The following ALDH1L2 variants were observed in gnomAD, a reference collection of about 807,000 sequenced individuals.
ALDH1L2 encodes aldehyde dehydrogenase 1 family member L2.
A neutral mutation model predicts 111.0 loss-of-function variants in ALDH1L2; 91 were observed. The observed-to-expected ratio is 0.82, with a 90% CI of 0.69 to 0.98. ALDH1L2 has a LOEUF of 0.98. Among genes scored for constraint, ALDH1L2 ranks in the 50% least tolerant of loss-of-function variants. The pLI is 0.00. For missense variants in ALDH1L2, 995 were observed against 1,126.8 expected (o/e 0.88, Z 1.67); for synonymous variants, 374 against 392.6 (o/e 0.95, Z 0.56).
rs748620763 is a variant in ALDH1L2, at chr12:105,034,407, G to A, written c.2146-9C>T. On this transcript the variant is annotated splice_polypyrimidine_tract_variant and intron_variant, in intron 18 of 22. Transcript: ENST00000258494. ...AATACTGCTCCCATGCCCTTCAGTG[G>A]GAGAAGAGAAAATATTGCTAACATC... 10 of 1,608,060 alleles carry A rather than the reference G, an allele frequency of 6.2e-6. No homozygotes were observed. The East Asian group carries it at 2.0e-4, about 32-fold the overall frequency.
At position 105,038,533 on chromosome 12, in the gene ALDH1L2, G is replaced by A. The variant is rs145187023; in HGVS notation, c.2046-331C>T. Among the ~76,000 whole-genome samples, 9 of 152,160 alleles carry A rather than the reference G, an allele frequency of 5.9e-5. No homozygotes were observed. In the East Asian group the frequency reaches 1.7e-3, roughly 29 times the overall value. Reference sequence around the variant, plus strand: ...AATAAGAAAATTAGGTAGGTATGGTGGTGTGTGACTGTAGTGTCAGCTACT... The same window carrying A: ...AATAAGAAAATTAGGTAGGTATGGTAGTGTGTGACTGTAGTGTCAGCTACT... On this transcript the variant is annotated intron_variant, in intron 17 of 22. Transcript: ENST00000258494.
rs1874113998 is a variant in ALDH1L2, at chr12:105,020,623, A to G, written c.*3801T>C. 1 of 152,272 alleles carries G rather than the reference A, an allele frequency of 6.6e-6. No individual in the cohort carries two copies. The highest frequency in any genetic ancestry group is 2.1e-4 in the South Asian group (1 of 4,836). 9.4% of individuals were successfully genotyped at this position (152,272 alleles called of 1,614,324 possible). Reference sequence around the variant, plus strand: ...TAAGTGCTATGAAAATAATGCACTTATAAAAAGAATAAAGAATGACAGCAG... The same window carrying G: ...TAAGTGCTATGAAAATAATGCACTTGTAAAAAGAATAAAGAATGACAGCAG... On this transcript the variant is annotated 3_prime_UTR_variant, in exon 23 of 23. Coordinates refer to ENST00000258494, the MANE Select transcript of ALDH1L2 (RefSeq NM_001034173.4).
chr12:105,074,216 G>T, intron 1 of ALDH1L2: 1 of 491,872 alleles, frequency 2.0e-6, no homozygotes, highest in Admixed American at 3.6e-5. Flanking sequence ...CCAGCACTTT[G>T]GGAGGCCGAG....
At chr12:105,038,483 A>G (rs560737203) in intron 17 of ALDH1L2, among the ~76,000 whole-genome samples, 12 of 152,222 alleles carry the variant, frequency 7.9e-5, no homozygotes, top group African/African-American at 2.9e-4. Flanking sequence ...CCTGAGCAAC[A>G]TGGCAAGACC....
At chr12:105,033,548 T>C (rs957939016) in intron 19 of ALDH1L2, among the ~76,000 whole-genome samples, 4 of 152,170 alleles carry the variant, frequency 2.6e-5, no homozygotes, top group Non-Finnish European at 4.4e-5. Context: ...GTGTGGAGAA[T>C]TGGCTCTGGG....
chr12:105,035,839 A>T (rs7298427), intron 18 of ALDH1L2, among the ~76,000 whole-genome samples: 2 of 100,208 alleles, frequency 2.0e-5, no homozygotes, highest in East Asian at 3.7e-4. Context: ...ATATATATAT[A>T]TGTGTGTGTG....
intron 13 of ALDH1L2, chr12:105,047,784 T>A (rs1391331592): frequency 6.6e-6 from 1 of 152,236 alleles, no homozygotes; most frequent in East Asian, 1.9e-4. Context: ...TAGCCAGTTA[T>A]GTTTTGGAAT....
intron 6 of ALDH1L2, among the ~76,000 whole-genome samples, chr12:105,064,296 T>C (rs1421726880): frequency 1.3e-5 from 2 of 151,846 alleles, no homozygotes; most frequent in Non-Finnish European, 2.9e-5. Flanking sequence ...CATTTAATCT[T>C]CACAATTACC....
chr12:105,067,979 C>T (rs1877472611), intron 4 of ALDH1L2, among the ~76,000 whole-genome samples: 1 of 152,190 alleles, frequency 6.6e-6, no homozygotes, highest in Admixed American at 6.5e-5. Flanking sequence ...ACCAAAGCTA[C>T]AGAGGCTAAG....
chr12:105,034,176 T>C, intron 19 of ALDH1L2, 124 bp downstream of exon 19: 2 of 891,954 alleles, frequency 2.2e-6, no homozygotes, highest in Non-Finnish European at 3.3e-6. Context: ...GGACTGATTT[T>C]TTTTAAAACA....
intron 1 of ALDH1L2, among the ~76,000 whole-genome samples, chr12:105,083,346 TA>T (rs1337766880): frequency 6.8e-6 from 1 of 147,982 alleles, no homozygotes; most frequent in Non-Finnish European, 1.5e-5. Flanking sequence ...CCTCGTTTTA[TA>T]AAAGGTGACT....
intron 2 of ALDH1L2, among the ~76,000 whole-genome samples, chr12:105,073,245 TACA>T (rs768702570): frequency 3.5e-4 from 53 of 152,200 alleles, no homozygotes; most frequent in Non-Finnish European, 6.2e-4. Flanking sequence ...CCCAAGGTCA[TACA>T]GCTAGTAAGT....
At chr12:105,043,590 T>C (rs764435845) in intron 15 of ALDH1L2, among the ~76,000 whole-genome samples, 1 of 152,258 alleles carries the variant, frequency 6.6e-6, no homozygotes, top group Non-Finnish European at 1.5e-5. Context: ...GAAACCATCA[T>C]AATTAGAAAG....
intron 6 of ALDH1L2, among the ~76,000 whole-genome samples, chr12:105,063,967 CT>C (rs201497480): frequency 1.2e-3 from 168 of 135,466 alleles, no homozygotes; most frequent in Middle Eastern, 3.6e-3. Context: ...TGTATTAATT[CT>C]TTTTTTTTTT....
At chr12:105,061,407 C>T (rs555255443) in intron 8 of ALDH1L2, among the ~76,000 whole-genome samples, 10 of 152,146 alleles carry the variant, frequency 6.6e-5, no homozygotes, top group Non-Finnish European at 1.3e-4. Flanking sequence ...CCCTAACCCC[C>T]GTGCCAACCT....
In ALDH1L2 at chr12:105,024,134, G is replaced by T. The variant is rs1592758549; in HGVS notation, c.*290C>A. The T allele has an allele frequency of 6.0e-6, 3 of 499,326 alleles. No homozygotes were observed. In the East Asian group the frequency reaches 1.0e-4, roughly 17 times the overall value. 30.9% of individuals were successfully genotyped at this position (499,326 alleles called of 1,614,324 possible). A position where few individuals can be genotyped will look rare whatever the true frequency, so the allele number is the denominator to read the frequency against. ...CATGGTACTGACATCTTCAAGATGG[G>T]AACCATGAATAGATTTGTCTAGGTA... On this transcript the variant is annotated 3_prime_UTR_variant, in exon 23 of 23. Coordinates refer to ENST00000258494, the MANE Select transcript of ALDH1L2 (RefSeq NM_001034173.4).
intron 6 of ALDH1L2, among the ~76,000 whole-genome samples, chr12:105,063,693 G>A (rs1299048209): frequency 6.6e-6 from 1 of 152,042 alleles, no homozygotes; most frequent in Non-Finnish European, 1.5e-5. Flanking sequence ...GGGGGTGGGC[G>A]TCAATGATGG....
At chr12:105,073,794 G>A in intron 2 of ALDH1L2, 67 bp downstream of exon 2, 2 of 1,598,318 alleles carry the variant, frequency 1.3e-6, no homozygotes, top group Admixed American at 1.7e-5. Context: ...CTTGGACCAT[G>A]AGATGGAAGT....
rs1457537233 is a variant in ALDH1L2, at chr12:105,030,177, C to T, written c.2516+147G>A. The T allele has an allele frequency of 9.6e-6, 5 of 521,168 alleles. No homozygotes were observed. The East Asian group carries it at 1.0e-4, about 11-fold the overall frequency. 32.3% of individuals were successfully genotyped at this position (521,168 alleles called of 1,614,324 possible). A position where few individuals can be genotyped will look rare whatever the true frequency, so the allele number is the denominator to read the frequency against. ...TATGATCTACGATGGTTAGCAAAAG[C>T]GTAACTTCTAATTATTTAAGTTAAT... On this transcript the variant is annotated intron_variant, in intron 21 of 22. Transcript: ENST00000258494.
Sources: allele counts gnomAD v4.1 joint callset (sites outside exome capture counted in the v4.1 genomes callset), GRCh38; gene constraint gnomAD v4.1.1; transcripts MANE v1.5; gene names NCBI Gene and HGNC (gene_info 2026-07-23, HGNC 2026-07-21).